AK2: variants seen among roughly 807,000 people sequenced by gnomAD.
AK2 encodes the protein adenylate kinase 2.
Under a neutral mutation model 24.6 loss-of-function variants are expected in AK2, and 15 were observed. The ratio of observed to expected loss-of-function variants is 0.61; its 90% CI spans 0.41 to 0.94. AK2 has a LOEUF of 0.94. AK2 is among the 40% of genes least tolerant of loss of function. The pLI is 0.00. For missense variants in AK2, 257 were observed against 304.1 expected (o/e 0.85, Z 1.15); for synonymous variants, 102 against 114.0 (o/e 0.90, Z 0.67).
At chr1:33,034,490 ATAT>A in intron 1 of AK2, among the ~76,000 whole-genome samples, 1 of 141,342 alleles carries the variant, frequency 7.1e-6, no homozygotes, top group East Asian at 2.1e-4. Context: ...ACACACACAT[ATAT>A]CATAATTTTC....
intron 4 of AK2, among the ~76,000 whole-genome samples, chr1:33,020,406 C>A (rs1326105206): frequency 1.3e-5 from 2 of 152,226 alleles, no homozygotes; most frequent in African/African-American, 4.8e-5. Flanking sequence ...TTCTTAAGCA[C>A]CTAATATAGG....
chr1:33,021,469 A>C lies in AK2; in HGVS notation c.331-8T>G, dbSNP rs1476368136. 2 of 1,613,804 alleles carry C rather than the reference A, an allele frequency of 1.2e-6. No individual in the cohort carries two copies. Among genetic ancestry groups the C allele is most frequent in the Non-Finnish European group, 1.7e-6 (2 of 1,179,782 alleles). On this transcript the variant is annotated splice_region_variant and splice_polypyrimidine_tract_variant and intron_variant, in intron 3 of 5. Transcript: ENST00000672715. The stretch of plus-strand genomic sequence containing the variant: ...CTCCATGAGGTCATCGAGCTGTAAA[A>C]GAATGTGTGGCCCACCTAAGCTACC...
At position 33,011,483 on chromosome 1, in the gene AK2, TACTCATGC is replaced by T; in HGVS notation, c.*1690_*1697del. On this transcript the variant is annotated 3_prime_UTR_variant, in exon 6 of 6. Coordinates refer to ENST00000672715, the MANE Select transcript of AK2 (RefSeq NM_001625.4). ...CAAAGAGGGAAGCAAGGTGGCCAGG[TACTCATGC>T]CCAGTTGCCATGTGGACAGCAGATA... The T allele has an allele frequency of 1.6e-6, 2 of 1,287,370 alleles. No individual in the cohort carries two copies. The highest frequency in any genetic ancestry group is 2.0e-6 in the Non-Finnish European group (2 of 988,796). 79.7% of individuals were successfully genotyped at this position (1,287,370 alleles called of 1,614,324 possible).
chr1:33,020,187 AAACAC>A (rs1048355795), intron 4 of AK2: 9 of 1,333,038 alleles, frequency 6.8e-6, no homozygotes, highest in Middle Eastern at 1.8e-4. Context: ...AAACATGTTA[AAACAC>A]ACACACACAC....
chr1:33,025,568 A>G (rs1639828949), intron 1 of AK2, among the ~76,000 whole-genome samples: 1 of 152,262 alleles, frequency 6.6e-6, no homozygotes, highest in African/African-American at 2.4e-5. Context: ...TTGGCAAATA[A>G]TAAGCACTTA....
At position 33,008,750 on chromosome 1, in the gene AK2, G is replaced by A. The variant is rs1242125528; in HGVS notation, c.*4431C>T. Reference sequence around the variant, plus strand: ...CTGTGTGAGGGTTACGTGAAGTCGAGGGTTACATGAAGCCTTTGCATAATA... The same window carrying A: ...CTGTGTGAGGGTTACGTGAAGTCGAAGGTTACATGAAGCCTTTGCATAATA... On this transcript the variant is annotated 3_prime_UTR_variant, in exon 6 of 6. Coordinates refer to ENST00000672715, the MANE Select transcript of AK2 (RefSeq NM_001625.4). 2 of 453,984 alleles carry A rather than the reference G, an allele frequency of 4.4e-6. No individual in the cohort carries two copies. Among genetic ancestry groups the A allele is most frequent in the African/African-American group, 4.0e-5 (2 of 49,988 alleles). The allele number at this position is 453,984 out of a possible 1,614,324, so 28.1% of individuals were successfully genotyped here. A position where few individuals can be genotyped will look rare whatever the true frequency, so the allele number is the denominator to read the frequency against.
At chr1:33,027,852 T>G (rs1639997592) in intron 1 of AK2, among the ~76,000 whole-genome samples, 1 of 152,174 alleles carries the variant, frequency 6.6e-6, no homozygotes, top group Non-Finnish European at 1.5e-5. Flanking sequence ...ACGCATGGGT[T>G]TTGAAGTCAG....
chr1:33,023,465 T>C (rs1391013413), intron 2 of AK2, among the ~76,000 whole-genome samples: 1 of 152,078 alleles, frequency 6.6e-6, no homozygotes, highest in Non-Finnish European at 1.5e-5. Flanking sequence ...TGTGTGCCTG[T>C]AACCCTAGCT....
intron 4 of AK2, among the ~76,000 whole-genome samples, chr1:33,016,895 C>T (rs1026404499): frequency 4.0e-5 from 6 of 151,512 alleles, no homozygotes; most frequent in Admixed American, 1.3e-4. Context: ...TTAGTAGAGA[C>T]GGGGTTTCAC....
intron 2 of AK2, chr1:33,024,024 A>G: frequency 4.1e-6 from 1 of 243,644 alleles, no homozygotes; most frequent in Non-Finnish European, 8.1e-6. Context: ...CATAAAAATT[A>G]GCCAGGCATG....
At chr1:33,034,036 G>T (rs1267347090) in intron 1 of AK2, among the ~76,000 whole-genome samples, 2 of 152,044 alleles carry the variant, frequency 1.3e-5, no homozygotes, top group Non-Finnish European at 2.9e-5. Flanking sequence ...ACCATGCCTG[G>T]CTAATTTTTG....
chr1:33,034,385 G>A (rs536114725), intron 1 of AK2, among the ~76,000 whole-genome samples: 1 of 151,746 alleles, frequency 6.6e-6, no homozygotes, highest in Non-Finnish European at 1.5e-5. Context: ...TAAGATAAAA[G>A]GGAGTCAAAA....
chr1:33,025,049 G>A (rs2124348324), intron 1 of AK2, among the ~76,000 whole-genome samples: 1 of 152,214 alleles, frequency 6.6e-6, no homozygotes, highest in Non-Finnish European at 1.5e-5. Flanking sequence ...GCTGGGTGTG[G>A]TGGCGCTTGC....
Position 33,032,143 on chromosome 1 carries a change from G to A in AK2, c.93+4593C>T, listed in dbSNP as rs1640276299. On this transcript the variant is annotated intron_variant, in intron 1 of 5. Transcript: ENST00000672715. ...CACTAGGCACTAACCCCAGGTTAGG[G>A]ATTTTACATGTAAGATTGCAAACAT... 1.9e-5 allele frequency: 3 copies of A among 161,170 alleles called. No homozygotes were observed. In the South Asian group the frequency reaches 4.7e-4, roughly 25 times the overall value. The allele number at this position is 161,170 out of a possible 1,614,324, so 10.0% of individuals were successfully genotyped here. A position where few individuals can be genotyped will look rare whatever the true frequency, so the allele number is the denominator to read the frequency against.
At chr1:33,033,267 C>A (rs1640362316) in intron 1 of AK2, among the ~76,000 whole-genome samples, 1 of 152,154 alleles carries the variant, frequency 6.6e-6, no homozygotes, top group Admixed American at 6.5e-5. Flanking sequence ...CACAGTGGCA[C>A]ATGCCTGTAG....
rs1569743103 is a variant in AK2, at chr1:33,032,956, G to A, written c.93+3780C>T. On this transcript the variant is annotated intron_variant, in intron 1 of 5. Transcript: ENST00000672715. ...AGGTGGGCGGATCATGAGGTCAGGA[G>A]ATCGAGACCATCCTGGCTAACACAG... Among the ~76,000 whole-genome samples the A allele has an allele frequency of 2.0e-5, 3 of 152,200 alleles. No homozygotes were observed. The East Asian group carries it at 5.8e-4, about 29-fold the overall frequency.
chr1:33,032,501 G>T (rs1003354910), intron 1 of AK2: 3 of 152,188 alleles, frequency 2.0e-5, no homozygotes, highest in Non-Finnish European at 4.4e-5. Context: ...ACGGGGTAAC[G>T]AAACAGTAGA....
chr1:33,010,031 A>T lies in AK2; in HGVS notation c.*3150T>A. The stretch of plus-strand genomic sequence containing the variant: ...CATCACAGTGCTGTTGAGTGATCCC[A>T]GTCACAGGATTTGAGAATGGAAAGG... On this transcript the variant is annotated 3_prime_UTR_variant, in exon 6 of 6. Transcript: ENST00000672715. 1 of 454,638 alleles carries T rather than the reference A, an allele frequency of 2.2e-6. No homozygotes were observed. The highest frequency in any genetic ancestry group is 4.4e-6 in the Non-Finnish European group (1 of 226,816). The allele number at this position is 454,638 out of a possible 1,614,324, so 28.2% of individuals were successfully genotyped here. A position where few individuals can be genotyped will look rare whatever the true frequency, so the allele number is the denominator to read the frequency against.
intron 1 of AK2, among the ~76,000 whole-genome samples, chr1:33,027,513 G>A (rs1259359920): frequency 2.6e-5 from 4 of 152,002 alleles, no homozygotes; most frequent in South Asian, 2.1e-4. Flanking sequence ...AGGCTAAGGC[G>A]GGTGGATCAC....
Sources: allele counts gnomAD v4.1 joint callset (sites outside exome capture counted in the v4.1 genomes callset), GRCh38; gene constraint gnomAD v4.1.1; transcripts MANE v1.5; gene names NCBI Gene and HGNC (gene_info 2026-07-23, HGNC 2026-07-21).